The following CLMP variants were observed in gnomAD, a reference collection of about 807,000 sequenced individuals.
CLMP encodes the protein CXADR like cell adhesion molecule.
CLMP carries 27 observed loss-of-function variants against 45.2 expected under a neutral mutation model. The observed-to-expected ratio is 0.60, with a 90% CI of 0.44 to 0.82. CLMP has a LOEUF of 0.82. CLMP is among the 40% of genes least tolerant of loss of function. The pLI, the probability that CLMP is intolerant of heterozygous loss-of-function variation, is 0.00. For missense variants in CLMP, 403 were observed against 448.4 expected (o/e 0.90, Z 0.91); for synonymous variants, 167 against 171.4 (o/e 0.97, Z 0.20).
intron 1 of CLMP, among the ~76,000 whole-genome samples, chr11:123,173,450 A>T (rs1459246453): frequency 1.3e-5 from 2 of 152,218 alleles, no homozygotes; most frequent in Non-Finnish European, 2.9e-5. Context: ...CTTTTTATAC[A>T]TGCCAGATGG....
intron 1 of CLMP, among the ~76,000 whole-genome samples, chr11:123,104,494 C>T (rs1157435396): frequency 1.3e-5 from 2 of 151,988 alleles, no homozygotes; most frequent in African/African-American, 4.8e-5. Flanking sequence ...AAACGATTCT[C>T]CTGCCTCAGC....
chr11:123,085,793 T>G (rs1212168125), intron 2 of CLMP, among the ~76,000 whole-genome samples: 1 of 149,828 alleles, frequency 6.7e-6, no homozygotes, highest in Non-Finnish European at 1.5e-5. Flanking sequence ...GTTTTTTTTT[T>G]GAGATAGAGT....
rs79708253 is a variant in CLMP at position 123,161,709 on chromosome 11, T to A, written c.28+33204A>T. On this transcript the variant is annotated intron_variant, in intron 1 of 6. Transcript: ENST00000448775. ...AAATAAATAAATAAACAAACAAATATACAAAAATAAATACAGAATGGCTGG... is the reference window on the plus strand; with the variant it reads ...AAATAAATAAATAAACAAACAAATAAACAAAAATAAATACAGAATGGCTGG... Among the ~76,000 whole-genome samples, 512 of 152,070 alleles carry A rather than the reference T, an allele frequency of 3.4e-3. 12 individuals are homozygous for A. The East Asian group carries it at 0.051, about 15-fold the overall frequency.
chr11:123,186,433 G>A (rs7952397), intron 1 of CLMP, among the ~76,000 whole-genome samples: 33,855 of 151,968 alleles, frequency 0.22, 8,873 homozygotes, highest in African/African-American at 0.63. Context: ...GCCAAGCAGC[G>A]TAGAAGGGCA....
At position 123,105,580 on chromosome 11, in the gene CLMP, G is replaced by A. The variant is rs556167726; in HGVS notation, c.29-7628C>T. 5.7e-4 allele frequency among the ~76,000 whole-genome samples: 86 copies of A among 151,616 alleles called. 1 individual carries two copies. In the Middle Eastern group the frequency reaches 0.014, roughly 24 times the overall value. On this transcript the variant is annotated intron_variant, in intron 1 of 6. Coordinates refer to ENST00000448775, the MANE Select transcript of CLMP (RefSeq NM_024769.5). Reference sequence around the variant, plus strand: ...TGAATAGCTGGGATTACAGGCATGCGCCACCACACCTGGTTAATTTTGTAT... The same window carrying A: ...TGAATAGCTGGGATTACAGGCATGCACCACCACACCTGGTTAATTTTGTAT...
intron 1 of CLMP, among the ~76,000 whole-genome samples, chr11:123,134,872 C>T (rs1280794686): frequency 1.3e-5 from 2 of 152,030 alleles, no homozygotes; most frequent in Non-Finnish European, 2.9e-5. Context: ...GTCAGGACAG[C>T]GTTTGGCTTC....
At chr11:123,090,736 C>G (rs1303245147) in intron 2 of CLMP, among the ~76,000 whole-genome samples, 2 of 152,120 alleles carry the variant, frequency 1.3e-5, no homozygotes, top group East Asian at 1.9e-4. Context: ...TCATTCTGTT[C>G]CCAGAAAGAG....
intron 1 of CLMP, among the ~76,000 whole-genome samples, chr11:123,168,871 C>T (rs757000321): frequency 1.3e-5 from 2 of 152,162 alleles, no homozygotes; most frequent in Non-Finnish European, 2.9e-5. Flanking sequence ...TTGCACCTGC[C>T]CTCCCTGGGT....
intron 1 of CLMP, among the ~76,000 whole-genome samples, chr11:123,113,967 TCAGG>T (rs1332758853): frequency 6.6e-6 from 1 of 152,142 alleles, no homozygotes; most frequent in Non-Finnish European, 1.5e-5. Context: ...AGTACACAGA[TCAGG>T]CAAGAATGTA....
Position 123,083,182 on chromosome 11 carries a change from C to T in CLMP, c.582G>A (p.Leu194=). 1 of 1,614,118 alleles carries T rather than the reference C, an allele frequency of 6.2e-7. No homozygotes were observed. The highest frequency in any genetic ancestry group is 8.5e-7 in the Non-Finnish European group (1 of 1,180,006). The change falls in exon 5 of 7, where the codon CTG becomes CTA. Residue 194 remains leucine, a synonymous_variant. Transcript: ENST00000448775. Reference sequence around the variant, plus strand: ...AGTAGGACATGGTAAGATTCTGCAGCAGAACTCGTCCAGGGTGGTTGTAGT... The same window carrying T: ...AGTAGGACATGGTAAGATTCTGCAGTAGAACTCGTCCAGGGTGGTTGTAGT... ...RIDYNHPGRV[L]LQNLTMSYSG... is the part of the protein sequence containing the mutation.
chr11:123,170,442 C>CTT (rs11463797), intron 1 of CLMP, among the ~76,000 whole-genome samples: 3,948 of 140,642 alleles, frequency 0.028, 162 homozygotes, highest in East Asian at 0.098. Context: ...ATGAAACCTG[C>CTT]TTTTTTTTTT....
At chr11:123,085,978 T>C (rs1475958551) in intron 2 of CLMP, among the ~76,000 whole-genome samples, 1 of 152,082 alleles carries the variant, frequency 6.6e-6, no homozygotes, top group East Asian at 1.9e-4. Flanking sequence ...GGTTTCTCCA[T>C]GTTGGCCAGG....
At chr11:123,083,621 G>T in intron 4 of CLMP, 59 bp downstream of exon 4, 1 of 1,554,578 alleles carries the variant, frequency 6.4e-7, no homozygotes, top group South Asian at 1.1e-5. Context: ...AGCTGATTTA[G>T]AGCTCACGGA....
At chr11:123,145,451 T>TG (rs544212745) in intron 1 of CLMP, among the ~76,000 whole-genome samples, 19,765 of 122,842 alleles carry the variant, frequency 0.16, 1,579 homozygotes, top group South Asian at 0.29. Flanking sequence ...GCTCTGCGGC[T>TG]GTTTTTTTTT....
At chr11:123,106,535 G>A (rs1253872016) in intron 1 of CLMP, among the ~76,000 whole-genome samples, 1 of 152,032 alleles carries the variant, frequency 6.6e-6, no homozygotes, top group Non-Finnish European at 1.5e-5. Flanking sequence ...GAGTCTGAGA[G>A]GTCTGGACTT....
intron 1 of CLMP, among the ~76,000 whole-genome samples, chr11:123,104,514 A>C (rs1244219084): frequency 4.6e-5 from 7 of 150,732 alleles, no homozygotes; most frequent in Non-Finnish European, 8.9e-5. Flanking sequence ...CCTTTCAAGT[A>C]GCTGGGATTA....
At chr11:123,156,037 A>G (rs924566753) in intron 1 of CLMP, among the ~76,000 whole-genome samples, 1 of 152,168 alleles carries the variant, frequency 6.6e-6, no homozygotes, top group Non-Finnish European at 1.5e-5. Context: ...CTAACCCTCA[A>G]TGTGGCTATA....
intron 1 of CLMP, among the ~76,000 whole-genome samples, chr11:123,129,869 G>A (rs1054661712): frequency 2.0e-5 from 3 of 151,152 alleles, no homozygotes; most frequent in African/African-American, 7.3e-5. Context: ...TTTCAGAAAC[G>A]GTGTTTCACA....
chr11:123,108,852 G>A (rs371109667), intron 1 of CLMP, among the ~76,000 whole-genome samples: 25 of 152,166 alleles, frequency 1.6e-4, no homozygotes, highest in Middle Eastern at 3.4e-3. Context: ...TCGGGAGTTC[G>A]AGACCAGCCT....
Sources: allele counts gnomAD v4.1 joint callset (sites outside exome capture counted in the v4.1 genomes callset), GRCh38; gene constraint gnomAD v4.1.1; transcripts MANE v1.5; gene names NCBI Gene and HGNC (gene_info 2026-07-23, HGNC 2026-07-21).